The following SH3GLB2 variants were observed in gnomAD, a reference collection of about 807,000 sequenced individuals.
SH3GLB2 encodes the protein SH3 domain containing GRB2 like, endophilin B2, also known as endophilin-B2.
A neutral mutation model predicts 48.0 loss-of-function variants in SH3GLB2; 24 were observed. The observed-to-expected ratio is 0.50, with a 90% CI of 0.36 to 0.70. SH3GLB2 has a LOEUF of 0.70. SH3GLB2 is among the 30% of genes least tolerant of loss of function. The probability of loss-of-function intolerance (pLI) is 0.00; values close to 1 mark genes in which losing one functional copy is unlikely to be tolerated. For missense variants in SH3GLB2, 425 were observed against 516.0 expected (o/e 0.82, Z 1.71); for synonymous variants, 227 against 207.6 (o/e 1.09, Z -0.80).
chr9:129,009,522 CT>C (rs1327774461), intron 9 of SH3GLB2, 176 bp from the exon 10 acceptor site: 3 of 1,548,060 alleles, frequency 1.9e-6, no homozygotes, highest in Non-Finnish European at 2.6e-6. Context: ...GCCCCACCCC[CT>C]GGTCCCTGCC....
At chr9:129,009,978 G>A (rs1843014255) in intron 8 of SH3GLB2, 107 bp from the exon 9 acceptor site, 11 of 1,370,600 alleles carry the variant, frequency 8.0e-6, no homozygotes, top group Non-Finnish European at 1.1e-5. Flanking sequence ...ATTCCAGGGT[G>A]CCCTGCCCCT....
At chr9:129,010,850 G>T (rs1022960550) in intron 6 of SH3GLB2, 157 bp from the exon 7 acceptor site, 14 of 869,538 alleles carry the variant, frequency 1.6e-5, no homozygotes, top group Non-Finnish European at 2.3e-5. Context: ...GCCGAGGCCC[G>T]GCATGGGAGC....
chr9:129,014,721 G>A lies in SH3GLB2; in HGVS notation c.468+50C>T. ...AGAGCCTGTACTCAAAGGCTCTGAG[G>A]AGGGAACTGCCATGGTTACCAGGAA... is the stretch of plus-strand genomic sequence containing the variant. On this transcript the variant is annotated intron_variant, in intron 4 of 10. Coordinates refer to ENST00000372564, the MANE Select transcript of SH3GLB2 (RefSeq NM_020145.4). The surrounding 1 kb of genome is among the most constrained non-coding windows in gnomAD (Gnocchi z 4.1). 1 of 1,590,804 alleles carries A rather than the reference G, an allele frequency of 6.3e-7. No homozygotes were observed. The highest frequency in any genetic ancestry group is 8.6e-7 in the Non-Finnish European group (1 of 1,169,272).
rs112735794 is a variant in SH3GLB2, at chr9:129,009,858, C to T, written c.752G>A (p.Arg251His). 2.4e-5 allele frequency: 38 copies of T among 1,613,566 alleles called. No individual in the cohort carries two copies. The highest frequency in any genetic ancestry group is 3.1e-5 in the Non-Finnish European group (37 of 1,179,816). The part of the protein sequence containing the change: ...GISSTHVNHL[R>H]CLHEFVKSQT... Reference sequence around the variant, plus strand: ...AGACTTGACGAACTCGTGGAGGCAGCGCAGGTGGTTCACCTGCGGGGAAGA... The same window carrying T: ...AGACTTGACGAACTCGTGGAGGCAGTGCAGGTGGTTCACCTGCGGGGAAGA... Residue 251 changes from arginine (R) to histidine (H), a missense_variant, in exon 9 of 11, where the codon CGC becomes CAC. By Grantham distance (29) the Arg-to-His change is conservative (BLOSUM62 0). Transcript: ENST00000372564.
chr9:129,009,009 C>T (rs1842923798), intron 10 of SH3GLB2, 97 bp downstream of exon 10: 2 of 1,561,052 alleles, frequency 1.3e-6, no homozygotes, highest in Non-Finnish European at 1.7e-6. Context: ...CCCCACTTTG[C>T]CAACAGGGCC....
At chr9:129,013,181 G>GC in intron 5 of SH3GLB2, 2 of 717,088 alleles carry the variant, frequency 2.8e-6, no homozygotes, top group Non-Finnish European at 4.9e-6. Context: ...GAGTCCTAAC[G>GC]TGTGCGTGCT....
intron 2 of SH3GLB2, among the ~76,000 whole-genome samples, chr9:129,021,813 G>C (rs1843819039): frequency 6.6e-6 from 1 of 151,964 alleles, no homozygotes; most frequent in Non-Finnish European, 1.5e-5. Flanking sequence ...ACAAAAATTA[G>C]CTGGGCGTGG....
intron 1 of SH3GLB2, among the ~76,000 whole-genome samples, chr9:129,025,338 G>A (rs1844087469): frequency 6.6e-6 from 1 of 151,716 alleles, no homozygotes; most frequent in Non-Finnish European, 1.5e-5. Context: ...CGAGGCAGGA[G>A]GATCACTTGA....
intron 5 of SH3GLB2, chr9:129,013,040 CA>C: frequency 6.4e-7 from 1 of 1,551,206 alleles, no homozygotes; most frequent in Non-Finnish European, 8.7e-7. Flanking sequence ...TTACCCAAAG[CA>C]GGACGGAAAG....
Position 129,008,941 on chromosome 9 carries a change from C to A in SH3GLB2, c.1081-150G>T, listed in dbSNP as rs1226759030. The A allele has an allele frequency of 9.8e-6, 13 of 1,331,244 alleles. No homozygotes were observed. The East Asian group carries it at 1.2e-4, about 12-fold the overall frequency. 82.5% of individuals were successfully genotyped at this position (1,331,244 alleles called of 1,614,324 possible). On this transcript the variant is annotated intron_variant, in intron 10 of 10. Transcript: ENST00000372564. Reference sequence around the variant, plus strand: ...GCGCTCATCTCACTTGCTCCAGAGACCCAGCAGAGCAAGGATCCTTTCCTC... The same window carrying A: ...GCGCTCATCTCACTTGCTCCAGAGAACCAGCAGAGCAAGGATCCTTTCCTC...
At chr9:129,022,150 C>G in intron 2 of SH3GLB2, 132 bp downstream of exon 2, 1 of 1,374,502 alleles carries the variant, frequency 7.3e-7, no homozygotes, top group South Asian at 1.5e-5. Context: ...TCTTCAACAG[C>G]CTTGAGCCCA....
Position 129,012,304 on chromosome 9 carries a change from G to A in SH3GLB2, c.562-6C>T, listed in dbSNP as rs755838515. 18 of 1,297,950 alleles carry A rather than the reference G, an allele frequency of 1.4e-5. No individual in the cohort carries two copies. The highest frequency in any genetic ancestry group is 3.1e-5 in the South Asian group (1 of 32,432). 80.4% of individuals were successfully genotyped at this position (1,297,950 alleles called of 1,614,324 possible). The stretch of plus-strand genomic sequence containing the variant: ...TCCTGAAAGTCAGGCACCGTCTGGC[G>A]GGGAACAGAGTTCATGTGGGGAGGG... On this transcript the variant is annotated splice_polypyrimidine_tract_variant and splice_region_variant and intron_variant, in intron 5 of 10. Transcript: ENST00000372564.
In SH3GLB2 at chr9:129,021,096, G is replaced by A. The variant is rs142255025; in HGVS notation, c.329C>T (p.Pro110Leu). 5.6e-6 allele frequency: 9 copies of A among 1,607,786 alleles called. No homozygotes were observed. The highest frequency in any genetic ancestry group is 1.3e-5 in the African/African-American group (1 of 74,576). Reference sequence around the variant, plus strand: ...TGGCTGTGAGGCCTGCTCACCATAGGGGGTGGTCGGCCCCAGCTCACTGGC... The same window carrying A: ...TGGCTGTGAGGCCTGCTCACCATAGAGGGTGGTCGGCCCCAGCTCACTGGC... ...DAASELGPTTPYGKTLIKVAE... is the reference protein window; with the variant it reads ...DAASELGPTTLYGKTLIKVAE... Residue 110 changes from proline to leucine, a missense_variant, in exon 3 of 11, where the codon CCC becomes CTC. Pro to Leu is a moderately conservative substitution (Grantham distance 98, BLOSUM62 -3). Transcript: ENST00000372564.
intron 1 of SH3GLB2, 125 bp from the exon 2 acceptor site, chr9:129,022,548 G>A: frequency 1.3e-6 from 1 of 790,886 alleles, no homozygotes; most frequent in Non-Finnish European, 2.0e-6. Flanking sequence ...CAGGGTCAAG[G>A]AACCAGCCCT....
chr9:129,009,331 G>C lies in SH3GLB2; in HGVS notation c.855C>G (p.Phe285Leu). The change falls in exon 10 of 11, where the codon TTC becomes TTG. Residue 285 changes from phenylalanine to leucine, a missense_variant. By Grantham distance (22) the Phe-to-Leu change is conservative. Coordinates refer to ENST00000372564, the MANE Select transcript of SH3GLB2 (RefSeq NM_020145.4). ...GGGAGGCGGGCTCTGTGGTGCCCAC[G>C]AAGGTGCCGGGAAATCTGGAGAGGA... The part of the protein sequence containing the change: ...QKQLGRFPGT[F>L]VGTTEPASPP... 3 of 1,546,592 alleles carry C rather than the reference G, an allele frequency of 1.9e-6. No homozygotes were observed. The highest frequency in any genetic ancestry group is 2.6e-6 in the Non-Finnish European group (3 of 1,143,782).
Position 129,009,986 on chromosome 9 carries a change from C to T in SH3GLB2, c.739-115G>A, listed in dbSNP as rs958913933. 56 of 1,355,998 alleles carry T rather than the reference C, an allele frequency of 4.1e-5. No homozygotes were observed. The Admixed American group carries it at 1.0e-3, about 25-fold the overall frequency. 84.0% of individuals were successfully genotyped at this position (1,355,998 alleles called of 1,614,324 possible). ...CTCCGGCATTCCAGGGTGCCCTGCC[C>T]CTGCGCCCACACCCTCCCCGGTGGG... On this transcript the variant is annotated intron_variant, in intron 8 of 10. Transcript: ENST00000372564.
chr9:129,010,807 C>T, intron 6 of SH3GLB2, 114 bp from the exon 7 acceptor site: 1 of 1,298,620 alleles, frequency 7.7e-7, no homozygotes, highest in Non-Finnish European at 1.1e-6. Context: ...CCCTGCCCCT[C>T]TGCCCCCCCT....
intron 1 of SH3GLB2, among the ~76,000 whole-genome samples, chr9:129,024,256 C>CAAAAAA (rs1169096733): frequency 7.3e-5 from 4 of 54,500 alleles, no homozygotes; most frequent in Non-Finnish European, 9.8e-5. Flanking sequence ...CTCCTCTCTA[C>CAAAAAA]AAAAAAAAAA....
At chr9:129,025,325 G>A (rs2131304747) in intron 1 of SH3GLB2, among the ~76,000 whole-genome samples, 1 of 151,840 alleles carries the variant, frequency 6.6e-6, no homozygotes, top group African/African-American at 2.4e-5. Context: ...CACTTTGGGA[G>A]GCCGAGGCAG....
Sources: gnomAD v4.1 joint callset for allele counts (sites outside exome capture counted in the v4.1 genomes callset) on GRCh38, gnomAD v4.1.1 for gene constraint, Gnocchi (gnomAD v3.1) non-coding constraint, MANE v1.5 for transcripts, NCBI Gene and HGNC (gene_info 2026-07-23, HGNC 2026-07-21) for gene names.